The following GHR variants were observed in gnomAD, a reference collection of about 807,000 sequenced individuals.
GHR encodes the protein GH receptor.
In GHR, 35 loss-of-function variants were observed where a neutral mutation model predicts 67.1. The observed-to-expected ratio is 0.52, with a 90% CI of 0.40 to 0.69. The LOEUF is 0.69. Ranked by LOEUF, GHR falls within the 30% of genes least tolerant of loss-of-function variation. The probability of loss-of-function intolerance (pLI) is 0.00; values close to 1 mark genes in which losing one functional copy is unlikely to be tolerated. For synonymous variants in GHR, 272 were observed against 269.1 expected (o/e 1.01, Z -0.10); for missense variants, 792 against 764.6 (o/e 1.04, Z -0.42).
At chr5:42,544,859 G>A (rs185217811) in intron 1 of GHR, among the ~76,000 whole-genome samples, 1 of 152,192 alleles carries the variant, frequency 6.6e-6, no homozygotes. Flanking sequence ...CAATCTGAAT[G>A]TCCTATAAAA....
chr5:42,448,886 A>G (rs1011372349), intron 1 of GHR, among the ~76,000 whole-genome samples: 2 of 152,090 alleles, frequency 1.3e-5, no homozygotes, highest in African/African-American at 2.4e-5. Flanking sequence ...TTTGTTGACT[A>G]GGGTGTCCTT....
At chr5:42,574,111 A>G (rs1193254189) in intron 2 of GHR, among the ~76,000 whole-genome samples, 3 of 152,160 alleles carry the variant, frequency 2.0e-5, no homozygotes, top group Non-Finnish European at 4.4e-5. Context: ...CCACTGACCC[A>G]CTGCATCCCT....
intron 3 of GHR, among the ~76,000 whole-genome samples, chr5:42,685,954 C>T (rs1757117878): frequency 6.6e-6 from 1 of 152,150 alleles, no homozygotes; most frequent in Middle Eastern, 3.2e-3. Flanking sequence ...AATTAGATCC[C>T]ATTTGTCAAT....
At chr5:42,484,405 A>G (rs1745790496) in intron 1 of GHR, among the ~76,000 whole-genome samples, 1 of 152,252 alleles carries the variant, frequency 6.6e-6, no homozygotes, top group African/African-American at 2.4e-5. Context: ...GACATTGTAA[A>G]GAGTAAATGC....
At chr5:42,529,838 G>T (rs1010606485) in intron 1 of GHR, among the ~76,000 whole-genome samples, 1 of 151,908 alleles carries the variant, frequency 6.6e-6, no homozygotes, top group Non-Finnish European at 1.5e-5. Flanking sequence ...TATTACCTAG[G>T]GGATGGTCTT....
At chr5:42,629,667 G>A (rs1753854651) in intron 3 of GHR, among the ~76,000 whole-genome samples, 1 of 131,418 alleles carries the variant, frequency 7.6e-6, no homozygotes, top group Non-Finnish European at 1.6e-5. Flanking sequence ...CAACTTCTGT[G>A]CAAGGCTGCT....
chr5:42,611,633 TG>T (rs1752896471), intron 2 of GHR, among the ~76,000 whole-genome samples: 1 of 152,180 alleles, frequency 6.6e-6, no homozygotes, highest in Admixed American at 6.5e-5. Flanking sequence ...GGACAGTGCA[TG>T]CTTACAAATC....
In GHR at chr5:42,576,576, A is replaced by G. The variant is rs1035625400; in HGVS notation, c.70+10632A>G. On this transcript the variant is annotated intron_variant, in intron 2 of 9. Transcript: ENST00000230882. Reference sequence around the variant, plus strand: ...TAAACTGACATGTAGAATTTTATTTATAACAATATATGCCTAAAAGAAGCG... The same window carrying G: ...TAAACTGACATGTAGAATTTTATTTGTAACAATATATGCCTAAAAGAAGCG... Among the ~76,000 whole-genome samples, 6 of 152,346 alleles carry G rather than the reference A, an allele frequency of 3.9e-5. No individual in the cohort carries two copies. The East Asian group carries it at 1.2e-3, about 29-fold the overall frequency.
intron 1 of GHR, among the ~76,000 whole-genome samples, chr5:42,540,919 G>A (rs1748485685): frequency 6.7e-6 from 1 of 149,612 alleles, no homozygotes; most frequent in Middle Eastern, 3.5e-3. Context: ...ATTATCCTTT[G>A]TGACAGTCTC....
intron 1 of GHR, among the ~76,000 whole-genome samples, chr5:42,482,840 G>A (rs372917193): frequency 3.3e-5 from 5 of 152,174 alleles, no homozygotes; most frequent in East Asian, 3.9e-4. Context: ...CAGGTGAGGC[G>A]ATGCCTCGCC....
chr5:42,619,939 GC>G (rs1753355245), intron 2 of GHR: 1 of 152,172 alleles, frequency 6.6e-6, no homozygotes, highest in Non-Finnish European at 1.5e-5. Context: ...ACCAGTATCA[GC>G]CTAGTAAACA....
chr5:42,531,132 G>A (rs988369658), intron 1 of GHR, among the ~76,000 whole-genome samples: 7 of 152,052 alleles, frequency 4.6e-5, no homozygotes, highest in Admixed American at 2.0e-4. Context: ...GCCAGACATG[G>A]TGGTGTGCGC....
intron 1 of GHR, among the ~76,000 whole-genome samples, chr5:42,540,652 T>C (rs1381880003): frequency 6.6e-6 from 1 of 152,090 alleles, no homozygotes; most frequent in Non-Finnish European, 1.5e-5. Context: ...AAGTCCTCCC[T>C]AGTGTGAGTC....
At chr5:42,589,690 T>C (rs146274585) in intron 2 of GHR, among the ~76,000 whole-genome samples, 288 of 152,336 alleles carry the variant, frequency 1.9e-3, no homozygotes, top group African/African-American at 6.7e-3. Context: ...ATTTAAAAGG[T>C]CATTTGTGCA....
intron 1 of GHR, among the ~76,000 whole-genome samples, chr5:42,480,670 T>C (rs1396297647): frequency 2.0e-5 from 3 of 152,238 alleles, no homozygotes; most frequent in Non-Finnish European, 2.9e-5. Context: ...TTGATCTTTG[T>C]TGGTTTAAAG....
chr5:42,539,092 C>T (rs926430971), intron 1 of GHR, among the ~76,000 whole-genome samples: 10 of 151,878 alleles, frequency 6.6e-5, no homozygotes, highest in East Asian at 1.9e-4. Flanking sequence ...TGTATCATTT[C>T]GTTGTATCAG....
chr5:42,565,707 A>C (rs1749884526), intron 1 of GHR, 157 bp from the exon 2 acceptor site: 4 of 1,519,056 alleles, frequency 2.6e-6, no homozygotes, highest in Non-Finnish European at 1.8e-6. Context: ...GAAAAGTAGG[A>C]CAATATGAGA....
chr5:42,475,824 C>G (rs914971816), intron 1 of GHR, among the ~76,000 whole-genome samples: 1 of 152,082 alleles, frequency 6.6e-6, no homozygotes, highest in Non-Finnish European at 1.5e-5. Context: ...GCTTTTTCCC[C>G]CCTCTTTAGG....
At chr5:42,663,648 G>C (rs1443242779) in intron 3 of GHR, among the ~76,000 whole-genome samples, 2 of 152,134 alleles carry the variant, frequency 1.3e-5, no homozygotes, top group African/African-American at 4.8e-5. Context: ...ATACTGAATG[G>C]GCAAAAACTG....
Sources: gnomAD v4.1 joint callset for allele counts (sites outside exome capture counted in the v4.1 genomes callset) on GRCh38, gnomAD v4.1.1 for gene constraint, MANE v1.5 for transcripts, NCBI Gene and HGNC (gene_info 2026-07-23, HGNC 2026-07-21) for gene names.